Variants in RNF19A observed in about 807,000 individuals in gnomAD.
RNF19A encodes ring finger protein 19A, RBR E3 ubiquitin protein ligase.
In RNF19A, 32 loss-of-function variants were observed where a neutral mutation model predicts 75.7. That is an observed-to-expected ratio of 0.42 (90% CI 0.32 to 0.57). The LOEUF is 0.57. RNF19A is among the 20% of genes least tolerant of loss of function. The probability of loss-of-function intolerance (pLI) is 0.10; values close to 1 mark genes in which losing one functional copy is unlikely to be tolerated. For missense variants in RNF19A, 782 were observed against 1,036.3 expected, an observed-to-expected ratio of 0.75 and a Z score of 3.37; for synonymous variants, 335 against 345.2, an observed-to-expected ratio of 0.97 and a Z score of 0.33.
chr8:100,301,363 C>G (rs1237402896), intron 1 of RNF19A, among the ~76,000 whole-genome samples: 2 of 152,192 alleles, frequency 1.3e-5, no homozygotes, highest in Non-Finnish European at 2.9e-5. Flanking sequence ...CAAATTACCA[C>G]ATTATCCTCT....
At position 100,275,197 on chromosome 8, in the gene RNF19A, A is replaced by G. The variant is rs375974753; in HGVS notation, c.675-36T>C. On this transcript the variant is annotated intron_variant, in intron 2 of 9. Coordinates refer to ENST00000341084, the MANE Select transcript of RNF19A (RefSeq NM_183419.4). This position sits in a 1 kb window ranked among gnomAD's most constrained non-coding sequence, Gnocchi z 4.3. ...CAAGAAAAATGATTTAAAATGTGAC[A>G]TAAAACAAGAGATACTCATTTCAAA... 2.5e-6 allele frequency: 4 copies of G among 1,571,480 alleles called. No individual in the cohort carries two copies. The African/African-American group carries it at 4.1e-5, about 16-fold the overall frequency.
intron 2 of RNF19A, among the ~76,000 whole-genome samples, chr8:100,277,373 G>A (rs1430984781): frequency 6.6e-6 from 1 of 151,950 alleles, no homozygotes; most frequent in Non-Finnish European, 1.5e-5. Context: ...GTGCAGTGGC[G>A]CGATCTCGGC....
chr8:100,283,130 TAA>T, intron 2 of RNF19A, among the ~76,000 whole-genome samples: 1 of 151,860 alleles, frequency 6.6e-6, no homozygotes, highest in Non-Finnish European at 1.5e-5. Context: ...CCCAGTATAA[TAA>T]ATGTTCTTGT....
chr8:100,281,581 A>G (rs958947286), intron 2 of RNF19A, among the ~76,000 whole-genome samples: 6 of 152,206 alleles, frequency 3.9e-5, no homozygotes, highest in Non-Finnish European at 7.4e-5. Flanking sequence ...CATACCTAAC[A>G]TGAAATGTAA....
chr8:100,282,849 T>A (rs960753516), intron 2 of RNF19A, among the ~76,000 whole-genome samples: 1 of 152,242 alleles, frequency 6.6e-6, no homozygotes, highest in African/African-American at 2.4e-5. Context: ...CTATTTTTTT[T>A]AATCCATTAA....
At chr8:100,316,825 G>A (rs1407279168) in intron 1 of RNF19A, among the ~76,000 whole-genome samples, 2 of 152,194 alleles carry the variant, frequency 1.3e-5, no homozygotes, top group Non-Finnish European at 2.9e-5. Context: ...GGAGCAGGGG[G>A]TGGTGCTCCT....
In RNF19A at chr8:100,323,637, GA is replaced by G. The variant is rs1240416023; in HGVS notation, c.-242-10266del. Among the ~76,000 whole-genome samples the G allele has an allele frequency of 6.6e-6, 1 of 152,170 alleles. No homozygotes were observed. Among genetic ancestry groups the G allele is most frequent in the East Asian group, 1.9e-4 (1 of 5,204 alleles). ...GAATCCCATTAGAAATGTGTTAGAG[GA>G]AGACATATTTAAATAGTAATTTCCT... On this transcript the variant is annotated intron_variant, in intron 1 of 3. Coordinates refer to the RNF19A transcript ENST00000519527. This position sits in a 1 kb window ranked among gnomAD's most constrained non-coding sequence, Gnocchi z 4.6.
At chr8:100,267,336 A>C (rs761780648) in intron 5 of RNF19A, among the ~76,000 whole-genome samples, 7 of 152,160 alleles carry the variant, frequency 4.6e-5, no homozygotes, top group Non-Finnish European at 7.4e-5. Context: ...GTAAAAGTAC[A>C]TACAACACCT....
Position 100,270,016 on chromosome 8 carries a change from A to T in RNF19A, c.884-3T>A. ...TGGACATGGCTTTATATCATCAGCT[A>T]TTGGGAACACAGAGAAATCTATTAA... is the stretch of plus-strand genomic sequence containing the variant. On this transcript the variant is annotated splice_polypyrimidine_tract_variant and splice_region_variant and intron_variant, in intron 3 of 9. Coordinates refer to ENST00000341084, the MANE Select transcript of RNF19A (RefSeq NM_183419.4). The T allele has an allele frequency of 6.4e-7, 1 of 1,569,292 alleles. No individual in the cohort carries two copies. The highest frequency in any genetic ancestry group is 8.6e-7 in the Non-Finnish European group (1 of 1,160,132).
In RNF19A at chr8:100,269,797, T is replaced by C. The variant is rs1820166307; in HGVS notation, c.1028+72A>G. ...CTTTAAGTATCTTATAAAACCCAAATTTAAGACAAGTTATTTTGTCTTACA... is the reference window on the plus strand; with the variant it reads ...CTTTAAGTATCTTATAAAACCCAAACTTAAGACAAGTTATTTTGTCTTACA... On this transcript the variant is annotated intron_variant, in intron 4 of 9. Coordinates refer to ENST00000341084, the MANE Select transcript of RNF19A (RefSeq NM_183419.4). The surrounding 1 kb of genome is among the most constrained non-coding windows in gnomAD (Gnocchi z 5.7). 7.9e-7 allele frequency: 1 copy of C among 1,262,786 alleles called. No individual in the cohort carries two copies. Among genetic ancestry groups the C allele is most frequent in the African/African-American group, 1.6e-5 (1 of 64,128 alleles). 78.2% of individuals were successfully genotyped at this position (1,262,786 alleles called of 1,614,324 possible).
chr8:100,287,821 T>C lies in RNF19A; in HGVS notation c.354A>G (p.Gly118=). The stretch of plus-strand genomic sequence containing the variant: ...CAATTTGTTTGCTGATGGAAGTTAA[T>C]CCATTGTCAGAAGAGGTATTTGTAG... The part of the protein sequence containing the change: ...IFSTNTSSDN[G]LTSISKQIGD... Residue 118 remains glycine (G), a synonymous_variant, in exon 2 of 10, where the codon GGA becomes GGG. Coordinates refer to ENST00000341084, the MANE Select transcript of RNF19A (RefSeq NM_183419.4). The surrounding 1 kb of genome is among the most constrained non-coding windows in gnomAD (Gnocchi z 4.1). The C allele has an allele frequency of 6.2e-7, 1 of 1,614,176 alleles. No individual in the cohort carries two copies.
At chr8:100,265,098 GATT>G (rs1270644997) in intron 5 of RNF19A, among the ~76,000 whole-genome samples, 3 of 152,124 alleles carry the variant, frequency 2.0e-5, no homozygotes, top group African/African-American at 7.2e-5. Context: ...AAGAAATTAA[GATT>G]ATTATTTTCA....
At position 100,287,386 on chromosome 8, in the gene RNF19A, A is replaced by ATGT; in HGVS notation, c.674+112_674+114dup. The ATGT allele has an allele frequency of 1.1e-6, 1 of 886,258 alleles. No homozygotes were observed. Among genetic ancestry groups the ATGT allele is most frequent in the South Asian group, 1.7e-5 (1 of 58,144 alleles). The allele number at this position is 886,258 out of a possible 1,614,324, so 54.9% of individuals were successfully genotyped here. ...GCCTGACATATGGTGTGCACTCAACATGTCTGTTGAATGAATTCTCCAGCA... is the reference window on the plus strand; with the variant it reads ...GCCTGACATATGGTGTGCACTCAACATGTTGTCTGTTGAATGAATTCTCCAGCA... On this transcript the variant is annotated intron_variant, in intron 2 of 9. Coordinates refer to ENST00000341084, the MANE Select transcript of RNF19A (RefSeq NM_183419.4). The surrounding 1 kb of genome is among the most constrained non-coding windows in gnomAD (Gnocchi z 4.1).
At position 100,287,714 on chromosome 8, in the gene RNF19A, G is replaced by C; in HGVS notation, c.461C>G (p.Ser154Cys). Residue 154 changes from serine to cysteine, a missense_variant, in exon 2 of 10, where the codon TCT becomes TGT. Physicochemically the swap from Ser to Cys is moderately radical, Grantham distance 112. Coordinates refer to ENST00000341084, the MANE Select transcript of RNF19A (RefSeq NM_183419.4). This position sits in a 1 kb window ranked among gnomAD's most constrained non-coding sequence, Gnocchi z 4.1. ...ATATTGTCGTAAGCAATCCACACAA[G>C]ATCTGTGATGACAAGTCATTATATC... ...FPDIMTCHHR[S>C]CVDCLRQYLR... is the part of the protein sequence containing the mutation. 6.2e-7 allele frequency: 1 copy of C among 1,613,984 alleles called. No individual in the cohort carries two copies. Among genetic ancestry groups the C allele is most frequent in the Non-Finnish European group, 8.5e-7 (1 of 1,179,914 alleles).
chr8:100,278,529 A>G (rs1820629785), intron 2 of RNF19A, among the ~76,000 whole-genome samples: 1 of 152,170 alleles, frequency 6.6e-6, no homozygotes, highest in African/African-American at 2.4e-5. Context: ...CTTAACTTTC[A>G]AATAATTAAA....
Position 100,288,178 on chromosome 8 carries a change from C to T in RNF19A, c.-4G>A, listed in dbSNP as rs1174612420. 1.3e-6 allele frequency: 2 copies of T among 1,592,208 alleles called. No individual in the cohort carries two copies. The highest frequency in any genetic ancestry group is 1.1e-5 in the South Asian group (1 of 87,796). On this transcript the variant is annotated 5_prime_UTR_variant, in exon 2 of 10. In the 5' UTR this introduces an upstream ATG that the reference lacks. Coordinates refer to ENST00000341084, the MANE Select transcript of RNF19A (RefSeq NM_183419.4). Reference sequence around the variant, plus strand: ...AACCTATTTCTTGTTCTTGCATTCACATTAAGTCATGATGTAAGAATATCC... The same window carrying T: ...AACCTATTTCTTGTTCTTGCATTCATATTAAGTCATGATGTAAGAATATCC...
chr8:100,334,459 T>C (rs1312423369), intron 1 of RNF19A, among the ~76,000 whole-genome samples: 2 of 152,212 alleles, frequency 1.3e-5, no homozygotes, highest in Non-Finnish European at 2.9e-5. Flanking sequence ...TAGCCTCTCT[T>C]CTGAGTAGTG....
At chr8:100,316,989 A>G (rs1822390067) in intron 1 of RNF19A, among the ~76,000 whole-genome samples, 2 of 152,206 alleles carry the variant, frequency 1.3e-5, no homozygotes, top group African/African-American at 4.8e-5. Flanking sequence ...TGGGGGACCC[A>G]GTACACTCTC....
intron 5 of RNF19A, 35 bp downstream of exon 5, chr8:100,268,738 AAAGATTTAGAAT>A: frequency 7.5e-7 from 1 of 1,336,638 alleles, no homozygotes; most frequent in Non-Finnish European, 1.0e-6. Context: ...GAATACACCT[AAAGATTTAGAAT>A]AAGATAATGG....
Sources: gnomAD v4.1 joint callset for allele counts (sites outside exome capture counted in the v4.1 genomes callset) on GRCh38, gnomAD v4.1.1 for gene constraint, Gnocchi (gnomAD v3.1) non-coding constraint, MANE v1.5 for transcripts, NCBI Gene and HGNC (gene_info 2026-07-23, HGNC 2026-07-21) for gene names.